Variants in SPAG16 observed in about 807,000 individuals in gnomAD.
The protein encoded by SPAG16 is sperm-associated antigen 16 protein.
A neutral mutation model predicts 80.4 loss-of-function variants in SPAG16; 86 were observed. The observed-to-expected ratio is 1.07, with a 90% CI of 0.90 to 1.28. The LOEUF is 1.28. Ranked by LOEUF, SPAG16 falls within the 50% of genes most tolerant of loss-of-function variation. SPAG16 has a pLI of 0.00. For synonymous variants in SPAG16, 294 were observed against 265.9 expected, an observed-to-expected ratio of 1.11 and a Z score of -1.03; for missense variants, 870 against 765.3, an observed-to-expected ratio of 1.14 and a Z score of -1.61.
At chr2:214,339,623 T>A (rs1697528835) in intron 15 of SPAG16, among the ~76,000 whole-genome samples, 1 of 151,608 alleles carries the variant, frequency 6.6e-6, no homozygotes, top group African/African-American at 2.4e-5. Flanking sequence ...TAGAAAAACA[T>A]GCTTATTTGT....
chr2:213,649,219 C>T (rs2062936084), intron 10 of SPAG16, among the ~76,000 whole-genome samples: 1 of 152,088 alleles, frequency 6.6e-6, no homozygotes, highest in Non-Finnish European at 1.5e-5. Context: ...GACACCTGAC[C>T]TACTAACAGT....
chr2:213,460,756 A>G (rs1256246680), intron 9 of SPAG16, among the ~76,000 whole-genome samples: 1 of 152,190 alleles, frequency 6.6e-6, no homozygotes, highest in Admixed American at 6.5e-5. Flanking sequence ...TAGTTACATA[A>G]TGCTACGGTT....
chr2:213,860,449 G>GTATA (rs1372558688), intron 10 of SPAG16, among the ~76,000 whole-genome samples: 7 of 119,308 alleles, frequency 5.9e-5, no homozygotes, highest in East Asian at 2.5e-4. Context: ...ATAGATATAT[G>GTATA]TATATATATA....
At chr2:213,810,016 C>T (rs977188186) in intron 10 of SPAG16, among the ~76,000 whole-genome samples, 1 of 152,134 alleles carries the variant, frequency 6.6e-6, no homozygotes, top group Non-Finnish European at 1.5e-5. Context: ...AGGATAGAAG[C>T]CCTAAGGGGG....
At chr2:214,335,263 C>T (rs10932534) in intron 15 of SPAG16, among the ~76,000 whole-genome samples, 102,548 of 151,954 alleles carry the variant, frequency 0.67, 39,311 homozygotes, top group South Asian at 0.85. Flanking sequence ...TAGTTGTAGC[C>T]GTCAGTAGCC....
intron 9 of SPAG16, among the ~76,000 whole-genome samples, chr2:213,457,875 TTTTA>T (rs1330574628): frequency 6.7e-6 from 1 of 149,048 alleles, no homozygotes; most frequent in African/African-American, 2.6e-5. Flanking sequence ...TTCCCTCTTC[TTTTA>T]TTTTTTTTTT....
Position 213,566,321 on chromosome 2 carries a change from A to G in SPAG16, c.1070+76231A>G, listed in dbSNP as rs1253086715. On this transcript the variant is annotated intron_variant, in intron 10 of 15. Coordinates refer to ENST00000331683, the MANE Select transcript of SPAG16 (RefSeq NM_024532.5). ...GTATTTAAAACGTTATATTATTAGT[A>G]TTTATTTAAGGAGATTTTAACTTCA... is the stretch of plus-strand genomic sequence containing the variant. Among the ~76,000 whole-genome samples, 4 of 152,150 alleles carry G rather than the reference A, an allele frequency of 2.6e-5. No individual in the cohort carries two copies. The East Asian group carries it at 5.8e-4, about 22-fold the overall frequency.
chr2:213,352,723 A>T (rs1030850248), intron 7 of SPAG16, among the ~76,000 whole-genome samples: 2 of 152,224 alleles, frequency 1.3e-5, no homozygotes, highest in Non-Finnish European at 2.9e-5. Flanking sequence ...CATGTTTAAA[A>T]AGTTAAAATC....
chr2:214,108,403 AG>A, intron 14 of SPAG16, 142 bp downstream of exon 14: 1 of 571,010 alleles, frequency 1.8e-6, no homozygotes, highest in Non-Finnish European at 3.1e-6. Context: ...CAATAGGAAA[AG>A]TCTATAGGTA....
intron 10 of SPAG16, among the ~76,000 whole-genome samples, chr2:213,673,756 C>T (rs1313085590): frequency 1.3e-5 from 2 of 151,604 alleles, no homozygotes; most frequent in African/African-American, 4.8e-5. Flanking sequence ...TGAAATTTCC[C>T]AATAAGCCTA....
chr2:213,453,776 G>A (rs913495182), intron 9 of SPAG16, among the ~76,000 whole-genome samples: 2 of 152,132 alleles, frequency 1.3e-5, no homozygotes, highest in African/African-American at 2.4e-5. Context: ...AAAGGGAGTC[G>A]ATGACAATGA....
chr2:213,805,680 G>A (rs550768501), intron 10 of SPAG16, among the ~76,000 whole-genome samples: 96 of 152,228 alleles, frequency 6.3e-4, no homozygotes, highest in Non-Finnish European at 5.6e-4. Context: ...ATGTCTGAGA[G>A]CCCTTCCAAC....
Position 214,039,012 on chromosome 2 carries a change from T to C in SPAG16, c.1527+24935T>C, listed in dbSNP as rs1266436545. Among the ~76,000 whole-genome samples, 3 of 152,208 alleles carry C rather than the reference T, an allele frequency of 2.0e-5. No individual in the cohort carries two copies. The East Asian group carries it at 5.8e-4, about 29-fold the overall frequency. ...GTGCCGCAATAAACATACGTGTGCA[T>C]GTGTCTTTATAGCAGCATGATTTAT... On this transcript the variant is annotated intron_variant, in intron 13 of 15. Transcript: ENST00000331683.
intron 15 of SPAG16, among the ~76,000 whole-genome samples, chr2:214,372,492 A>C (rs1048000435): frequency 1.2e-4 from 18 of 152,212 alleles, no homozygotes; most frequent in African/African-American, 4.3e-4. Flanking sequence ...CTTCCTGTTT[A>C]ACATTATTTG....
intron 15 of SPAG16, among the ~76,000 whole-genome samples, chr2:214,223,672 C>T (rs569108799): frequency 3.2e-4 from 48 of 152,012 alleles, no homozygotes; most frequent in Non-Finnish European, 6.0e-4. Context: ...AATAAAATAT[C>T]AATTTTAAAT....
intron 10 of SPAG16, among the ~76,000 whole-genome samples, chr2:213,737,574 G>A (rs375218415): frequency 2.7e-5 from 4 of 148,750 alleles, no homozygotes; most frequent in African/African-American, 5.0e-5. Context: ...TGCAAGCTCC[G>A]CCTCCCAGGT....
rs914529302 is a variant in SPAG16, at chr2:213,422,592, G to A, written c.942+47473G>A. 1.6e-5 allele frequency: 6 copies of A among 373,672 alleles called. No homozygotes were observed. In the East Asian group the frequency reaches 2.2e-4, roughly 13 times the overall value. 23.1% of individuals were successfully genotyped at this position (373,672 alleles called of 1,614,324 possible). A position where few individuals can be genotyped will look rare whatever the true frequency, so the allele number is the denominator to read the frequency against. Reference sequence around the variant, plus strand: ...GGCAAAGGTACCACCAGCCACAGAGGTTTCTGGCTGGAAAAGTGACACCCT... The same window carrying A: ...GGCAAAGGTACCACCAGCCACAGAGATTTCTGGCTGGAAAAGTGACACCCT... On this transcript the variant is annotated intron_variant, in intron 9 of 15. Coordinates refer to ENST00000331683, the MANE Select transcript of SPAG16 (RefSeq NM_024532.5).
At chr2:213,834,396 T>C (rs1400598687) in intron 10 of SPAG16, among the ~76,000 whole-genome samples, 1 of 152,116 alleles carries the variant, frequency 6.6e-6, no homozygotes, top group East Asian at 1.9e-4. Context: ...AAAAAGTAGA[T>C]AGTTGTGAAG....
Position 214,078,369 on chromosome 2 carries a change from A to C in SPAG16, c.1528-29827A>C, listed in dbSNP as rs114007778. Reference sequence around the variant, plus strand: ...GGAGTTTGAGACCAGCTTGGACAACATAGTGAAACCCCATATCTACAAATA... The same window carrying C: ...GGAGTTTGAGACCAGCTTGGACAACCTAGTGAAACCCCATATCTACAAATA... On this transcript the variant is annotated intron_variant, in intron 13 of 15. Transcript: ENST00000331683. Among the ~76,000 whole-genome samples, 1,059 of 152,098 alleles carry C rather than the reference A, an allele frequency of 7.0e-3. 16 individuals are homozygous for C. Among genetic ancestry groups the C allele is most frequent in the African/African-American group, 0.025 (1,022 of 41,480 alleles).
Sources: allele counts gnomAD v4.1 joint callset (sites outside exome capture counted in the v4.1 genomes callset), GRCh38; gene constraint gnomAD v4.1.1; transcripts MANE v1.5; gene names NCBI Gene and HGNC (gene_info 2026-07-23, HGNC 2026-07-21).